The following MCTP1 variants were observed in gnomAD, a reference collection of about 807,000 sequenced individuals.
The protein encoded by MCTP1 is multiple C2 and transmembrane domain-containing protein 1.
Under a neutral mutation model 120.6 loss-of-function variants are expected in MCTP1, and 69 were observed. The ratio of observed to expected loss-of-function variants is 0.57; its 90% CI spans 0.47 to 0.70. MCTP1 has a LOEUF of 0.70. MCTP1 is among the 30% of genes least tolerant of loss of function. The pLI, the probability that MCTP1 is intolerant of heterozygous loss-of-function variation, is 0.00. For missense variants in MCTP1, 1,203 were observed against 1,248.8 expected, an observed-to-expected ratio of 0.96 and a Z score of 0.55; for synonymous variants, 529 against 493.1, an observed-to-expected ratio of 1.07 and a Z score of -0.96.
chr5:95,059,022 G>A (rs144494484), intron 1 of MCTP1, among the ~76,000 whole-genome samples: 17 of 152,164 alleles, frequency 1.1e-4, no homozygotes, highest in African/African-American at 3.6e-4. Context: ...ATTGAGTTAA[G>A]ACTATCCTCT....
Position 94,912,873 on chromosome 5 carries a change from A to G in MCTP1, c.1454T>C (p.Met485Thr). ...GGGATCGCTCAACCCGTTGGAATCC[A>G]TGGCCTTGAGGTCTCTCCCTTCAAT... ...TLIEGRDLKA[M>T]DSNGLSDPYV... The change falls in exon 9 of 23, where the codon ATG becomes ACG. Residue 485 changes from methionine (M) to threonine (T), a missense_variant. By Grantham distance (81) the Met-to-Thr change is moderately conservative (BLOSUM62 -1). This residue lies in a region of MCTP1 where 740 missense variants were observed against 871.1 expected (regional missense o/e 0.85). Coordinates refer to ENST00000515393, the MANE Select transcript of MCTP1 (RefSeq NM_024717.7). 6.3e-7 allele frequency: 1 copy of G among 1,599,168 alleles called. No individual in the cohort carries two copies.
rs568913693 is a variant in MCTP1, at chr5:95,245,933, A to C, written c.720+37923T>G. Among the ~76,000 whole-genome samples the C allele has an allele frequency of 5.5e-3, 843 of 152,304 alleles. 6 individuals carry two copies. Among genetic ancestry groups the C allele is most frequent in the Middle Eastern group, 0.014 (4 of 294 alleles). The stretch of plus-strand genomic sequence containing the variant: ...AAATGTTAAGCGCAGCCAGAGAGAA[A>C]AGTCGGGTTACCCACAAAGGGAAGC... On this transcript the variant is annotated intron_variant, in intron 1 of 22. Transcript: ENST00000515393.
At chr5:95,214,394 G>C (rs1367367656) in intron 1 of MCTP1, among the ~76,000 whole-genome samples, 1 of 151,952 alleles carries the variant, frequency 6.6e-6, no homozygotes, top group African/African-American at 2.4e-5. Flanking sequence ...TGGAGAAATA[G>C]GAACACTTTT....
chr5:94,820,292 T>A (rs1324648242), intron 17 of MCTP1, among the ~76,000 whole-genome samples: 1 of 152,212 alleles, frequency 6.6e-6, no homozygotes, highest in Non-Finnish European at 1.5e-5. Context: ...GCACTCAAGT[T>A]AGTTACAGTT....
At chr5:94,842,544 A>T (rs775360449) in intron 17 of MCTP1, among the ~76,000 whole-genome samples, 1 of 152,196 alleles carries the variant, frequency 6.6e-6, no homozygotes, top group Non-Finnish European at 1.5e-5. Context: ...ATTAATTAGT[A>T]ATATGTTTGG....
chr5:94,838,947 T>C (rs1025466045), intron 17 of MCTP1, among the ~76,000 whole-genome samples: 2 of 152,190 alleles, frequency 1.3e-5, no homozygotes, highest in Admixed American at 6.5e-5. Flanking sequence ...CTAAGCAGTA[T>C]AGTGCGATTA....
At chr5:95,104,275 G>C (rs1756944887) in intron 1 of MCTP1, among the ~76,000 whole-genome samples, 1 of 152,038 alleles carries the variant, frequency 6.6e-6, no homozygotes, top group Non-Finnish European at 1.5e-5. Context: ...AAACTATACA[G>C]CTCAGCAATA....
chr5:95,044,192 A>G (rs1842797167), intron 1 of MCTP1, among the ~76,000 whole-genome samples: 1 of 152,236 alleles, frequency 6.6e-6, no homozygotes, highest in Admixed American at 6.5e-5. Context: ...TCAGAAGTTA[A>G]GTCCACAGAA....
At chr5:94,829,914 A>G (rs1788144082) in intron 17 of MCTP1, among the ~76,000 whole-genome samples, 1 of 152,128 alleles carries the variant, frequency 6.6e-6, no homozygotes, top group African/African-American at 2.4e-5. Context: ...TTCTTGTATC[A>G]TCCACTGCTT....
At chr5:95,132,098 C>A (rs1759086064) in intron 1 of MCTP1, among the ~76,000 whole-genome samples, 1 of 152,158 alleles carries the variant, frequency 6.6e-6, no homozygotes, top group African/African-American at 2.4e-5. Context: ...TAGCTCTTTT[C>A]TCAAGTCAAA....
intron 21 of MCTP1, chr5:94,710,174 AAAG>A (rs1292858081): frequency 2.0e-5 from 3 of 152,248 alleles, no homozygotes; most frequent in South Asian, 4.1e-4. Flanking sequence ...AGAAAGAAAA[AAAG>A]AAGAATGCTG....
chr5:95,241,415 G>A (rs1756152582), intron 1 of MCTP1, among the ~76,000 whole-genome samples: 1 of 152,108 alleles, frequency 6.6e-6, no homozygotes, highest in African/African-American at 2.4e-5. Context: ...GAAGATAACT[G>A]TACAACTCAT....
At chr5:95,278,591 G>A (rs1760043151) in intron 1 of MCTP1, among the ~76,000 whole-genome samples, 1 of 152,164 alleles carries the variant, frequency 6.6e-6, no homozygotes, top group Non-Finnish European at 1.5e-5. Context: ...TTGACTTACT[G>A]AGGCAGGGAA....
chr5:95,190,635 A>G (rs1235260548), intron 1 of MCTP1, among the ~76,000 whole-genome samples: 1 of 151,944 alleles, frequency 6.6e-6, no homozygotes, highest in Non-Finnish European at 1.5e-5. Flanking sequence ...ACTTGCTTCC[A>G]AGTTTCCTTA....
rs146882109 is a variant in MCTP1, at chr5:95,039,485, T to C, written c.721-22001A>G. ...GGGTTGTGGGCTGAGGCATAAATAA[T>C]AATGATTAAAGAAGGCCAACAAATC... On this transcript the variant is annotated intron_variant, in intron 1 of 22. Coordinates refer to ENST00000515393, the MANE Select transcript of MCTP1 (RefSeq NM_024717.7). 7.9e-5 allele frequency among the ~76,000 whole-genome samples: 12 copies of C among 152,306 alleles called. No individual in the cohort carries two copies. In the East Asian group the frequency reaches 2.3e-3, roughly 29 times the overall value.
intron 17 of MCTP1, chr5:94,825,917 T>C (rs1366750002): frequency 4.9e-5 from 9 of 183,638 alleles, no homozygotes; most frequent in Non-Finnish European, 1.0e-4. Context: ...GTCCTGTTTA[T>C]TAACTGACCA....
intron 17 of MCTP1, among the ~76,000 whole-genome samples, chr5:94,827,507 T>C (rs922170091): frequency 6.6e-5 from 10 of 152,188 alleles, no homozygotes; most frequent in Non-Finnish European, 4.4e-5. Context: ...TGAATTTGAA[T>C]ATTGGCCTGC....
intron 12 of MCTP1, among the ~76,000 whole-genome samples, chr5:94,880,666 T>G (rs1799864718): frequency 6.6e-6 from 1 of 152,136 alleles, no homozygotes; most frequent in Admixed American, 6.6e-5. Flanking sequence ...AGTTCAAAAC[T>G]TCATCCAGGG....
At chr5:94,916,895 T>A (rs1245602891) in intron 8 of MCTP1, among the ~76,000 whole-genome samples, 3 of 152,260 alleles carry the variant, frequency 2.0e-5, no homozygotes, top group African/African-American at 7.2e-5. Context: ...TTGAAAGTTA[T>A]GTGGTGCATG....
Sources: allele counts gnomAD v4.1 joint callset (sites outside exome capture counted in the v4.1 genomes callset), GRCh38; gene constraint gnomAD v4.1.1; regional missense constraint gnomAD v4.1.1; transcripts MANE v1.5; gene names NCBI Gene and HGNC (gene_info 2026-07-23, HGNC 2026-07-21).